HDAC9: variants seen among roughly 807,000 people sequenced by gnomAD.
HDAC9 encodes the protein MEF-2 interacting transcription repressor (MITR) protein.
Under a neutral mutation model 139.4 loss-of-function variants are expected in HDAC9, and 41 were observed. That is an observed-to-expected ratio of 0.29 (90% confidence interval 0.23 to 0.38). HDAC9 has a LOEUF of 0.38. Ranked by LOEUF, HDAC9 falls within the 10% of genes least tolerant of loss-of-function variation. The pLI, the probability that HDAC9 is intolerant of heterozygous loss-of-function variation, is 1.00. For missense variants in HDAC9, 1,147 were observed against 1,297.0 expected (o/e 0.88, Z 1.78); for synonymous variants, 517 against 476.2 (o/e 1.09, Z -1.12).
At chr7:18,365,195 T>C (rs948973225) in intron 1 of HDAC9, among the ~76,000 whole-genome samples, 1 of 152,072 alleles carries the variant, frequency 6.6e-6, no homozygotes, top group African/African-American at 2.4e-5. Context: ...AGGAATGTTA[T>C]TGGTAGCTGA....
intron 1 of HDAC9, among the ~76,000 whole-genome samples, chr7:18,477,269 C>G (rs752548165): frequency 3.9e-5 from 6 of 152,212 alleles, no homozygotes; most frequent in Non-Finnish European, 8.8e-5. Context: ...TCCCCCAAAA[C>G]ATGAATATTA....
intron 7 of HDAC9, among the ~76,000 whole-genome samples, chr7:18,631,222 CT>C (rs1301688844): frequency 1.3e-5 from 2 of 152,064 alleles, no homozygotes; most frequent in African/African-American, 4.8e-5. Flanking sequence ...ATATATTTCT[CT>C]TCTTAATTTC....
At chr7:18,089,138 A>G (rs1326566635) in intron 1 of HDAC9, among the ~76,000 whole-genome samples, 1 of 152,196 alleles carries the variant, frequency 6.6e-6, no homozygotes. Flanking sequence ...ACACGGTTAG[A>G]TGCACATAAG....
chr7:18,955,174 T>A lies in HDAC9; in HGVS notation c.3022+944T>A, dbSNP rs544213453. Among the ~76,000 whole-genome samples the A allele has an allele frequency of 5.9e-5, 9 of 152,204 alleles. No homozygotes were observed. In the East Asian group the frequency reaches 1.5e-3, roughly 26 times the overall value. ...AATAGAAAAATAAACCTTCAAATGC[T>A]GGGGTGCACTATTCAAGTCTCTGAT... On this transcript the variant is annotated intron_variant, in intron 24 of 25. Transcript: ENST00000686413.
Position 18,389,178 on chromosome 7 carries a change from G to C in HDAC9, c.-42+98663G>C, listed in dbSNP as rs1786231184. Among the ~76,000 whole-genome samples, 3 of 152,138 alleles carry C rather than the reference G, an allele frequency of 2.0e-5. No individual in the cohort carries two copies. In the South Asian group the frequency reaches 6.2e-4, roughly 32 times the overall value. ...TTTGCTACCTGATTTTGGCCACTAA[G>C]CTAATACTTAAGTGTTGAGCCTTTG... On this transcript the variant is annotated intron_variant, in intron 1 of 3. Transcript: ENST00000413509.
Position 18,466,484 on chromosome 7 carries a change from C to T in HDAC9, c.-41-29778C>T, listed in dbSNP as rs528494466. On this transcript the variant is annotated intron_variant, in intron 1 of 3. Coordinates refer to the HDAC9 transcript ENST00000413509. ...GTTCTAGGATTACAGGCATGAGCCACTGTGCCTGGCCACAGCCCTTTTTCT... is the reference window on the plus strand; with the variant it reads ...GTTCTAGGATTACAGGCATGAGCCATTGTGCCTGGCCACAGCCCTTTTTCT... Among the ~76,000 whole-genome samples, 15 of 152,214 alleles carry T rather than the reference C, an allele frequency of 9.9e-5. 1 individual carries two copies. Among genetic ancestry groups the T allele is most frequent in the Non-Finnish European group, 1.9e-4 (13 of 68,030 alleles).
chr7:18,227,076 A>G (rs1196791662), intron 2 of HDAC9, among the ~76,000 whole-genome samples: 3 of 152,194 alleles, frequency 2.0e-5, no homozygotes, highest in Non-Finnish European at 4.4e-5. Flanking sequence ...AGAGCAAGAC[A>G]TTCAAATAAA....
At chr7:18,754,968 G>C (rs762514299) in intron 14 of HDAC9, among the ~76,000 whole-genome samples, 2 of 152,094 alleles carry the variant, frequency 1.3e-5, no homozygotes, top group African/African-American at 4.8e-5. Flanking sequence ...AATTCAATTA[G>C]ACATTTGTTT....
chr7:18,240,320 G>A (rs1320023369), intron 2 of HDAC9, among the ~76,000 whole-genome samples: 3 of 151,944 alleles, frequency 2.0e-5, no homozygotes, highest in South Asian at 2.1e-4. Flanking sequence ...CTGGGGTCCT[G>A]GATTTGCATT....
At chr7:18,579,813 GT>G (rs1048936896) in intron 2 of HDAC9, among the ~76,000 whole-genome samples, 14 of 150,700 alleles carry the variant, frequency 9.3e-5, no homozygotes, top group African/African-American at 2.9e-4. Context: ...GTGTGTATGT[GT>G]GTGTGTGAAA....
chr7:18,666,654 T>G, intron 12 of HDAC9, 178 bp downstream of exon 12: 1 of 1,389,532 alleles, frequency 7.2e-7, no homozygotes, highest in Non-Finnish European at 9.5e-7. Context: ...TATATAGAGG[T>G]CTTTCTATAT....
At position 18,835,929 on chromosome 7, in the gene HDAC9, T is replaced by C; in HGVS notation, c.2616T>C (p.Asn872=). Residue 872 remains asparagine (N), a synonymous_variant, in exon 21 of 26, where the codon AAT becomes AAC. Coordinates refer to ENST00000686413, the MANE Select transcript of HDAC9 (RefSeq NM_178425.4). ...EVGTGLGEGY[N]INIAWTGGLD... is the part of the protein sequence containing the mutation. ...GAACAGGCCTTGGAGAAGGGTACAA[T>C]ATAAATATTGCCTGGACAGGTGGCC... 2 of 1,562,590 alleles carry C rather than the reference T, an allele frequency of 1.3e-6. No homozygotes were observed. The highest frequency in any genetic ancestry group is 1.4e-5 in the African/African-American group (1 of 73,796).
At chr7:18,833,037 TA>T (rs534773041) in intron 19 of HDAC9, among the ~76,000 whole-genome samples, 33 of 151,908 alleles carry the variant, frequency 2.2e-4, no homozygotes, top group African/African-American at 6.8e-4. Flanking sequence ...TGCCCAGCCT[TA>T]AAAAAAATGA....
intron 19 of HDAC9, among the ~76,000 whole-genome samples, chr7:18,833,996 T>C (rs1450550847): frequency 2.0e-5 from 3 of 152,300 alleles, no homozygotes; most frequent in African/African-American, 7.2e-5. Context: ...TAAGTTTCAG[T>C]TAACTGTGTA....
At chr7:18,438,745 A>G (rs1337451067) in intron 1 of HDAC9, among the ~76,000 whole-genome samples, 1 of 151,820 alleles carries the variant, frequency 6.6e-6, no homozygotes, top group East Asian at 1.9e-4. Flanking sequence ...GGGATCTGGA[A>G]AGATATACAG....
At chr7:18,708,694 T>G (rs1044341973) in intron 12 of HDAC9, among the ~76,000 whole-genome samples, 14 of 152,124 alleles carry the variant, frequency 9.2e-5, no homozygotes, top group African/African-American at 2.9e-4. Context: ...GTTTGGGCTG[T>G]GAATGGAATA....
At chr7:18,988,532 A>G (rs1785573505) in intron 25 of HDAC9, among the ~76,000 whole-genome samples, 1 of 151,744 alleles carries the variant, frequency 6.6e-6, no homozygotes, top group African/African-American at 2.4e-5. Context: ...AAAAAAATGT[A>G]TATTCTGTTG....
chr7:18,659,545 G>A (rs1054455025), intron 11 of HDAC9, among the ~76,000 whole-genome samples: 1 of 152,152 alleles, frequency 6.6e-6, no homozygotes, highest in Non-Finnish European at 1.5e-5. Context: ...GTAAGTGTGT[G>A]TGTGTTACAA....
intron 6 of HDAC9, among the ~76,000 whole-genome samples, chr7:18,599,337 G>C (rs916864039): frequency 1.3e-5 from 2 of 152,044 alleles, no homozygotes; most frequent in Non-Finnish European, 1.5e-5. Flanking sequence ...TTATATTAAG[G>C]TTTACTCTGT....
Sources: allele counts gnomAD v4.1 joint callset (sites outside exome capture counted in the v4.1 genomes callset), GRCh38; gene constraint gnomAD v4.1.1; transcripts MANE v1.5; gene names NCBI Gene and HGNC (gene_info 2026-07-23, HGNC 2026-07-21).